EXT2: variants seen among roughly 807,000 people sequenced by gnomAD.
EXT2 encodes exostosin-2.
In EXT2, 53 loss-of-function variants were observed where a neutral mutation model predicts 81.6. That is an observed-to-expected ratio of 0.65 (90% confidence interval 0.52 to 0.82). EXT2 has a LOEUF of 0.82. Among genes scored for constraint, EXT2 ranks in the 40% least tolerant of loss-of-function variants. The pLI is 0.00. For missense variants in EXT2, 774 were observed against 910.2 expected (o/e 0.85, Z 1.93); for synonymous variants, 320 against 340.0 (o/e 0.94, Z 0.65).
Position 44,220,876 on chromosome 11 carries a change from A to G in EXT2, c.1663-11477A>G, listed in dbSNP as rs971148001. On this transcript the variant is annotated intron_variant, in intron 10 of 13. Transcript: ENST00000533608. This position sits in a 1 kb window ranked among gnomAD's most constrained non-coding sequence, Gnocchi z 4.4. ...AAGCCTGACCTCTCAGAGCTTCTCT[A>G]AAGCACCCAGTCCCCATTGGAGAAC... 1.3e-5 allele frequency among the ~76,000 whole-genome samples: 2 copies of G among 152,216 alleles called. No homozygotes were observed. Among genetic ancestry groups the G allele is most frequent in the Non-Finnish European group, 2.9e-5 (2 of 68,028 alleles).
intron 7 of EXT2, among the ~76,000 whole-genome samples, chr11:44,153,966 T>C (rs1954826530): frequency 2.0e-5 from 3 of 151,770 alleles, no homozygotes; most frequent in Admixed American, 1.3e-4. Context: ...ATGAGAGATA[T>C]TGGTCTGTAG....
At chr11:44,162,531 G>A (rs1486509927) in intron 7 of EXT2, among the ~76,000 whole-genome samples, 3 of 140,266 alleles carry the variant, frequency 2.1e-5, no homozygotes, top group East Asian at 2.1e-4. Context: ...AGCCGAGATC[G>A]CACCACTGCC....
intron 13 of EXT2, among the ~76,000 whole-genome samples, chr11:44,236,648 G>A (rs1389399871): frequency 6.6e-6 from 1 of 152,196 alleles, no homozygotes; most frequent in Non-Finnish European, 1.5e-5. Flanking sequence ...GGACTAAGCA[G>A]TTAACCATCT....
In EXT2 at chr11:44,114,167, A is replaced by G. The variant is rs375709453; in HGVS notation, c.627-18A>G. 5 of 1,609,166 alleles carry G rather than the reference A, an allele frequency of 3.1e-6. No individual in the cohort carries two copies. The African/African-American group carries it at 6.7e-5, about 22-fold the overall frequency. On this transcript the variant is annotated intron_variant, in intron 3 of 13. Coordinates refer to ENST00000533608, the MANE Select transcript of EXT2 (RefSeq NM_207122.2). ...AGTCCTTTCTTTCTCATCGTTTAAC[A>G]AAATACTTTGCTTTCAGGGCCCTGT... is the stretch of plus-strand genomic sequence containing the variant.
chr11:44,114,561 T>C (rs1048958658), intron 4 of EXT2, among the ~76,000 whole-genome samples: 2 of 152,178 alleles, frequency 1.3e-5, no homozygotes, highest in African/African-American at 4.8e-5. Flanking sequence ...TTCTCTCCTT[T>C]GTTTCCTATA....
In EXT2 at chr11:44,198,036, C is replaced by G; in HGVS notation, c.1495+18C>G. The G allele has an allele frequency of 6.2e-7, 1 of 1,613,340 alleles. No homozygotes were observed. Among genetic ancestry groups the G allele is most frequent in the Non-Finnish European group, 8.5e-7 (1 of 1,179,358 alleles). The stretch of plus-strand genomic sequence containing the variant: ...TCCAGAAGGTAAGAAGCCTTAGTGC[C>G]TCTCTCAGCTGGATCAATTTTGGAT... On this transcript the variant is annotated intron_variant, in intron 9 of 13. Coordinates refer to ENST00000533608, the MANE Select transcript of EXT2 (RefSeq NM_207122.2).
At chr11:44,171,804 A>C in intron 8 of EXT2, 62 bp downstream of exon 8, 1 of 1,602,848 alleles carries the variant, frequency 6.2e-7, no homozygotes. Flanking sequence ...GGGTGGAAGG[A>C]AAAATGTACT....
At position 44,246,948 on chromosome 11, in the gene EXT2, C is replaced by T. The variant is rs368812994; in HGVS notation, c.*2661C>T. On this transcript the variant is annotated 3_prime_UTR_variant, in exon 14 of 14. Transcript: ENST00000533608. Reference sequence around the variant, plus strand: ...AATCTTTTTAAAGAAACACATCTTACTGGCCTATAGAGAAGACGAACTTGA... The same window carrying T: ...AATCTTTTTAAAGAAACACATCTTATTGGCCTATAGAGAAGACGAACTTGA... Among the ~76,000 whole-genome samples the T allele has an allele frequency of 3.9e-5, 6 of 152,368 alleles. No individual in the cohort carries two copies. In the South Asian group the frequency reaches 1.2e-3, roughly 32 times the overall value.
intron 8 of EXT2, among the ~76,000 whole-genome samples, chr11:44,175,205 A>G (rs1955141631): frequency 6.6e-6 from 1 of 152,140 alleles, no homozygotes; most frequent in Admixed American, 6.5e-5. Context: ...ATCTGGAAAA[A>G]TGGACTGTTC....
intron 13 of EXT2, among the ~76,000 whole-genome samples, chr11:44,243,257 G>A (rs1403845002): frequency 3.9e-5 from 6 of 152,200 alleles, no homozygotes; most frequent in African/African-American, 9.6e-5. Context: ...ATGCTGAAGC[G>A]TCCTCATTAC....
chr11:44,143,478 C>T (rs893288805), intron 7 of EXT2, among the ~76,000 whole-genome samples: 8 of 152,182 alleles, frequency 5.3e-5, no homozygotes, highest in African/African-American at 1.9e-4. Context: ...ACCACAGTTA[C>T]TCCTACTCAT....
At chr11:44,107,118 G>C (rs1368767023) in intron 1 of EXT2, among the ~76,000 whole-genome samples, 4 of 151,612 alleles carry the variant, frequency 2.6e-5, no homozygotes, top group Non-Finnish European at 5.9e-5. Flanking sequence ...TATATTGATA[G>C]GGTATAGTAA....
At chr11:44,161,883 TA>T (rs901577424) in intron 7 of EXT2, among the ~76,000 whole-genome samples, 2 of 152,156 alleles carry the variant, frequency 1.3e-5, no homozygotes, top group Non-Finnish European at 1.5e-5. Flanking sequence ...AAACATCGGA[TA>T]AACCCAAATT....
chr11:44,151,946 T>A (rs1424722828), intron 7 of EXT2, among the ~76,000 whole-genome samples: 2 of 152,240 alleles, frequency 1.3e-5, no homozygotes, highest in Non-Finnish European at 2.9e-5. Context: ...GCTGTTTTAA[T>A]TTATAATTCC....
At chr11:44,173,713 C>T (rs965475087) in intron 8 of EXT2, among the ~76,000 whole-genome samples, 7 of 151,588 alleles carry the variant, frequency 4.6e-5, no homozygotes, top group African/African-American at 7.3e-5. Context: ...GGACTACAGG[C>T]GCCCGCCACC....
chr11:44,126,761 G>GCGA, intron 5 of EXT2, 55 bp from the exon 6 acceptor site: 1 of 1,613,484 alleles, frequency 6.2e-7, no homozygotes, highest in Non-Finnish European at 8.5e-7. Context: ...AGGGATCAAA[G>GCGA]TTAGTGGATC....
At chr11:44,129,935 G>A in intron 6 of EXT2, 110 bp from the exon 7 acceptor site, 1 of 820,422 alleles carries the variant, frequency 1.2e-6, no homozygotes, top group Non-Finnish European at 2.1e-6. Flanking sequence ...ATGTGGGGCT[G>A]AAGGAGGTTT....
At chr11:44,182,554 A>G (rs918271148) in intron 8 of EXT2, among the ~76,000 whole-genome samples, 1 of 152,094 alleles carries the variant, frequency 6.6e-6, no homozygotes, top group African/African-American at 2.4e-5. Context: ...AAAATAGTAC[A>G]CTCTTTACCC....
chr11:44,116,403 C>G (rs909403596), intron 4 of EXT2: 4 of 152,144 alleles, frequency 2.6e-5, no homozygotes, highest in Admixed American at 2.6e-4. Flanking sequence ...ACATTTTATT[C>G]ATCTCTTCAT....
Sources: gnomAD v4.1 joint callset for allele counts (sites outside exome capture counted in the v4.1 genomes callset) on GRCh38, gnomAD v4.1.1 for gene constraint, Gnocchi (gnomAD v3.1) non-coding constraint, MANE v1.5 for transcripts, NCBI Gene and HGNC (gene_info 2026-07-23, HGNC 2026-07-21) for gene names.